PRKN: variants seen among roughly 807,000 people sequenced by gnomAD.
The protein encoded by PRKN is E3 ubiquitin-protein ligase parkin.
A neutral mutation model predicts 59.5 loss-of-function variants in PRKN; 56 were observed. The ratio of observed to expected loss-of-function variants is 0.94; its 90% confidence interval spans 0.76 to 1.18. The LOEUF (loss-of-function observed/expected upper bound fraction) is 1.18. PRKN is among the 50% of genes most tolerant of loss of function. The pLI, the probability that PRKN is intolerant of heterozygous loss-of-function variation, is 0.00. For missense variants in PRKN, 657 were observed against 596.4 expected, an observed-to-expected ratio of 1.10 and a Z score of -1.06; for synonymous variants, 250 against 222.1, an observed-to-expected ratio of 1.13 and a Z score of -1.12.
intron 6 of PRKN, among the ~76,000 whole-genome samples, chr6:161,931,521 C>T (rs75748170): frequency 0.014 from 2,172 of 152,210 alleles, 55 homozygotes; most frequent in African/African-American, 0.048. Context: ...TATTGAACTT[C>T]CCAGCCTCCA....
At chr6:161,617,140 T>C (rs911924558) in intron 7 of PRKN, among the ~76,000 whole-genome samples, 6 of 152,262 alleles carry the variant, frequency 3.9e-5, no homozygotes, top group African/African-American at 1.2e-4. Flanking sequence ...TGGTTTTGAT[T>C]TCATTTCTCC....
chr6:162,063,645 A>G (rs2128288524), intron 4 of PRKN, among the ~76,000 whole-genome samples: 1 of 151,204 alleles, frequency 6.6e-6, no homozygotes, highest in South Asian at 2.1e-4. Context: ...CCCAGGTTCA[A>G]GTGATACTCC....
At chr6:162,674,766 G>C (rs1779472000) in intron 1 of PRKN, among the ~76,000 whole-genome samples, 1 of 151,982 alleles carries the variant, frequency 6.6e-6, no homozygotes, top group Admixed American at 6.6e-5. Flanking sequence ...AAAGAATAGA[G>C]GCTAAAACAT....
chr6:162,195,789 T>C (rs1191515682), intron 4 of PRKN, among the ~76,000 whole-genome samples: 1 of 152,092 alleles, frequency 6.6e-6, no homozygotes, highest in African/African-American at 2.4e-5. Flanking sequence ...CAAAAAGATG[T>C]TAATGGTGGA....
chr6:161,715,792 G>A (rs902827073), intron 7 of PRKN, among the ~76,000 whole-genome samples: 36 of 152,218 alleles, frequency 2.4e-4, no homozygotes, highest in South Asian at 4.1e-4. Flanking sequence ...CCAGTCACTG[G>A]GGGGAATGAC....
chr6:161,720,101 A>G (rs1035723213), intron 7 of PRKN, among the ~76,000 whole-genome samples: 1 of 152,246 alleles, frequency 6.6e-6, no homozygotes, highest in Non-Finnish European at 1.5e-5. Flanking sequence ...ATTCCACTGG[A>G]AAGTCGAAAA....
chr6:161,357,949 TG>T lies in PRKN; in HGVS notation c.1285+2138del, dbSNP rs1358100801. ...CTGGTGCTCACACAGCCACAGTCCA[TG>T]GCAGAGTCCTAACTCCTGCAACACT... On this transcript the variant is annotated intron_variant, in intron 11 of 11. Transcript: ENST00000366898. This position sits in a 1 kb window ranked among gnomAD's most constrained non-coding sequence, Gnocchi z 5.5. 6.6e-6 allele frequency among the ~76,000 whole-genome samples: 1 copy of T among 152,236 alleles called. No homozygotes were observed. The highest frequency in any genetic ancestry group is 1.5e-5 in the Non-Finnish European group (1 of 68,038).
chr6:162,399,547 A>T (rs1356331404), intron 2 of PRKN, among the ~76,000 whole-genome samples: 1 of 152,150 alleles, frequency 6.6e-6, no homozygotes, highest in African/African-American at 2.4e-5. Flanking sequence ...ACACACACAC[A>T]TGCATGTATG....
rs142288411 is a variant in PRKN at position 162,146,512 on chromosome 6, A to AT, written c.534+54618dup. On this transcript the variant is annotated intron_variant, in intron 4 of 11. Transcript: ENST00000366898. ...ATATATACACATTATATATATATAAATTTTTTTTTTCTGAGACCGTCTTGC... is the reference window on the plus strand; with the variant it reads ...ATATATACACATTATATATATATAAATTTTTTTTTTTCTGAGACCGTCTTGC... Among the ~76,000 whole-genome samples the AT allele has an allele frequency of 2.1e-4, 32 of 149,438 alleles. No individual in the cohort carries two copies. In the East Asian group the frequency reaches 4.3e-3, roughly 20 times the overall value.
chr6:161,724,588 T>C (rs1787363807), intron 7 of PRKN, among the ~76,000 whole-genome samples: 1 of 152,188 alleles, frequency 6.6e-6, no homozygotes, highest in Non-Finnish European at 1.5e-5. Context: ...TATCATTTAG[T>C]TTCTGGATGC....
At position 162,546,100 on chromosome 6, in the gene PRKN, G is replaced by GTTTTT. The variant is rs11396761; in HGVS notation, c.8-102632_8-102628dup. The stretch of plus-strand genomic sequence containing the variant: ...CAATTACCATGTAAAAGTGTATGCA[G>GTTTTT]TTTTTTTTTTTTTTTTTTTTTGAGA... On this transcript the variant is annotated intron_variant, in intron 1 of 11. Coordinates refer to ENST00000366898, the MANE Select transcript of PRKN (RefSeq NM_004562.3). Among the ~76,000 whole-genome samples the GTTTTT allele has an allele frequency of 4.7e-4, 55 of 116,646 alleles. 3 individuals carry two copies. Among genetic ancestry groups the GTTTTT allele is most frequent in the African/African-American group, 1.4e-3 (40 of 28,524 alleles). 76.5% of individuals were successfully genotyped at this position (116,646 alleles called of 152,430 possible).
chr6:162,026,219 A>G (rs2226770), intron 5 of PRKN, among the ~76,000 whole-genome samples: 23,320 of 152,208 alleles, frequency 0.15, 1,892 homozygotes, highest in South Asian at 0.25. Context: ...GAGAACTCTT[A>G]TATGTATTCG....
At chr6:161,591,405 C>T (rs1781720818) in intron 7 of PRKN, among the ~76,000 whole-genome samples, 1 of 152,240 alleles carries the variant, frequency 6.6e-6, no homozygotes, top group African/African-American at 2.4e-5. Flanking sequence ...TCGAACAGCA[C>T]AGCCAGCTAT....
chr6:162,142,281 C>T (rs1448681726), intron 4 of PRKN, among the ~76,000 whole-genome samples: 1 of 152,172 alleles, frequency 6.6e-6, no homozygotes, highest in Non-Finnish European at 1.5e-5. Flanking sequence ...CTGGCTCATG[C>T]AGCACAGATG....
intron 5 of PRKN, among the ~76,000 whole-genome samples, chr6:161,976,139 A>C (rs981608195): frequency 4.6e-5 from 7 of 152,104 alleles, no homozygotes; most frequent in Non-Finnish European, 7.4e-5. Context: ...TCCTGACCTC[A>C]AGTGATCCAC....
chr6:161,744,572 T>C (rs1326489736), intron 7 of PRKN, among the ~76,000 whole-genome samples: 1 of 152,150 alleles, frequency 6.6e-6, no homozygotes, highest in African/African-American at 2.4e-5. Context: ...AGGAATAACA[T>C]TAACATTCCT....
At chr6:162,566,671 C>T (rs953286236) in intron 1 of PRKN, among the ~76,000 whole-genome samples, 1 of 152,112 alleles carries the variant, frequency 6.6e-6, no homozygotes, top group Non-Finnish European at 1.5e-5. Context: ...AAGCCCAGGA[C>T]CTGATGGCTT....
intron 1 of PRKN, chr6:162,568,568 G>A (rs1780182355): frequency 2.4e-6 from 2 of 818,812 alleles, no homozygotes; most frequent in South Asian, 1.4e-5. Context: ...AGGCCGTGCA[G>A]GAGCAGGAGA....
intron 2 of PRKN, among the ~76,000 whole-genome samples, chr6:162,397,913 T>A (rs561104154): frequency 2.0e-5 from 3 of 152,048 alleles, no homozygotes; most frequent in Non-Finnish European, 4.4e-5. Context: ...GACTCCCACC[T>A]GTAAGCCAAG....
Sources: allele counts gnomAD v4.1 joint callset (sites outside exome capture counted in the v4.1 genomes callset), GRCh38; gene constraint gnomAD v4.1.1; non-coding constraint Gnocchi (gnomAD v3.1); transcripts MANE v1.5; gene names NCBI Gene and HGNC (gene_info 2026-07-23, HGNC 2026-07-21).